CSMD1: variants seen among roughly 807,000 people sequenced by gnomAD.
CSMD1 encodes CUB and sushi domain-containing protein 1.
Under a neutral mutation model 417.5 loss-of-function variants are expected in CSMD1, and 213 were observed. That is an observed-to-expected ratio of 0.51 (90% confidence interval 0.46 to 0.57). The LOEUF (loss-of-function observed/expected upper bound fraction) is 0.57, where lower values mean the gene tolerates loss of function less well. CSMD1 is among the 20% of genes least tolerant of loss of function. The probability of loss-of-function intolerance (pLI) is 0.00; values close to 1 mark genes in which losing one functional copy is unlikely to be tolerated. For missense variants in CSMD1, 6,923 were observed against 4,529.7 expected (o/e 1.53, Z -15.17); for synonymous variants, 2,862 against 1,736.8 (o/e 1.65, Z -16.11).
chr8:4,792,982 CAATA>C (rs1313175467), intron 1 of CSMD1, among the ~76,000 whole-genome samples: 10 of 45,988 alleles, frequency 2.2e-4, no homozygotes, highest in Admixed American at 1.5e-3. Context: ...TATGTGTATG[CAATA>C]TATATATATA....
At chr8:3,420,175 A>G (rs1316933989) in intron 12 of CSMD1, among the ~76,000 whole-genome samples, 1 of 152,194 alleles carries the variant, frequency 6.6e-6, no homozygotes, top group Non-Finnish European at 1.5e-5. Flanking sequence ...TTATTTGATA[A>G]AAGTCCTTAA....
chr8:3,199,913 G>C (rs1457346154), intron 32 of CSMD1, 104 bp from the exon 33 acceptor site: 3 of 656,364 alleles, frequency 4.6e-6, no homozygotes, highest in Admixed American at 5.8e-5. Context: ...TTTATTTTTT[G>C]AACTTTTAAA....
chr8:4,355,864 G>C (rs1330336720), intron 3 of CSMD1, among the ~76,000 whole-genome samples: 2 of 152,236 alleles, frequency 1.3e-5, no homozygotes, highest in Non-Finnish European at 2.9e-5. Context: ...TGGAGGATGG[G>C]AACCAGGCCT....
At chr8:4,039,852 A>C (rs997842187) in intron 3 of CSMD1, among the ~76,000 whole-genome samples, 1 of 152,216 alleles carries the variant, frequency 6.6e-6, no homozygotes, top group Non-Finnish European at 1.5e-5. Context: ...TCTGCTCCAG[A>C]AAGTGATTTT....
At chr8:4,662,550 G>T (rs962266462) in intron 1 of CSMD1, among the ~76,000 whole-genome samples, 1 of 152,162 alleles carries the variant, frequency 6.6e-6, no homozygotes, top group South Asian at 2.1e-4. Flanking sequence ...TCGTCTCCCT[G>T]GAGAATGCTA....
chr8:4,912,960 T>C (rs1453347876), intron 1 of CSMD1, among the ~76,000 whole-genome samples: 2 of 152,146 alleles, frequency 1.3e-5, no homozygotes, highest in African/African-American at 4.8e-5. Context: ...TAATTTGTTT[T>C]GTATTTTTAG....
At chr8:3,748,948 C>T (rs1490050470) in intron 6 of CSMD1, among the ~76,000 whole-genome samples, 2 of 152,148 alleles carry the variant, frequency 1.3e-5, no homozygotes, top group Non-Finnish European at 2.9e-5. Context: ...CAAACACTTA[C>T]TTTCATGATG....
chr8:3,894,076 C>A (rs1807180331), intron 5 of CSMD1, among the ~76,000 whole-genome samples: 1 of 152,170 alleles, frequency 6.6e-6, no homozygotes, highest in Admixed American at 6.5e-5. Flanking sequence ...AAGCAGCAAG[C>A]CGTTAATTGT....
At chr8:3,546,164 G>C (rs1230867830) in intron 10 of CSMD1, among the ~76,000 whole-genome samples, 1 of 138,606 alleles carries the variant, frequency 7.2e-6, no homozygotes, top group Admixed American at 6.8e-5. Flanking sequence ...TCATGTATTT[G>C]TTTGTCTTCA....
At chr8:4,654,733 A>G (rs1563075991) in intron 1 of CSMD1, among the ~76,000 whole-genome samples, 1 of 152,250 alleles carries the variant, frequency 6.6e-6, no homozygotes, top group East Asian at 1.9e-4. Flanking sequence ...TGCATTCATA[A>G]TTCAGACAGA....
At chr8:4,019,514 G>A (rs976353299) in intron 4 of CSMD1, among the ~76,000 whole-genome samples, 1 of 152,160 alleles carries the variant, frequency 6.6e-6, no homozygotes, top group African/African-American at 2.4e-5. Context: ...TGTGAAGTTT[G>A]GTGGTTACCC....
chr8:3,758,221 C>T (rs1056240793), intron 5 of CSMD1, among the ~76,000 whole-genome samples: 1 of 152,184 alleles, frequency 6.6e-6, no homozygotes, highest in Admixed American at 6.5e-5. Context: ...CCATCATCTT[C>T]CCAGAGTGCT....
intron 3 of CSMD1, among the ~76,000 whole-genome samples, chr8:4,281,361 A>C (rs1398865377): frequency 2.0e-5 from 3 of 152,206 alleles, no homozygotes; most frequent in Admixed American, 6.5e-5. Flanking sequence ...TGACGGCATA[A>C]GGTCTTTGCA....
At position 3,369,380 on chromosome 8, in the gene CSMD1, A is replaced by G. The variant is rs1255919507; in HGVS notation, c.2783-10T>C. 7.7e-7 allele frequency: 1 copy of G among 1,291,616 alleles called. No individual in the cohort carries two copies. The highest frequency in any genetic ancestry group is 1.1e-6 in the Non-Finnish European group (1 of 892,866). 80.0% of individuals were successfully genotyped at this position (1,291,616 alleles called of 1,614,324 possible). A position where few individuals can be genotyped will look rare whatever the true frequency, so the allele number is the denominator to read the frequency against. On this transcript the variant is annotated splice_polypyrimidine_tract_variant and intron_variant, in intron 18 of 69. Coordinates refer to ENST00000635120, the MANE Select transcript of CSMD1 (RefSeq NM_033225.6). ...TAGCCTCCACATAGAGCTTAAAATA[A>G]TAAAGAGAGATGATTACAGCACTAA... is the stretch of plus-strand genomic sequence containing the variant.
chr8:3,976,439 C>A (rs1813441387), intron 5 of CSMD1, among the ~76,000 whole-genome samples: 1 of 152,058 alleles, frequency 6.6e-6, no homozygotes, highest in African/African-American at 2.4e-5. Context: ...AAGCAGTTTC[C>A]TTTTGTTTAT....
Position 2,954,254 on chromosome 8 carries a change from C to T in CSMD1, c.10009G>A (p.Glu3337Lys). 6.7e-7 allele frequency: 1 copy of T among 1,494,158 alleles called. No homozygotes were observed. The highest frequency in any genetic ancestry group is 9.1e-7 in the Non-Finnish European group (1 of 1,101,516). 92.6% of individuals were successfully genotyped at this position (1,494,158 alleles called of 1,614,324 possible). A position where few individuals can be genotyped will look rare whatever the true frequency, so the allele number is the denominator to read the frequency against. The change falls in exon 65 of 70, where the codon GAA becomes AAA. Residue 3337 changes from glutamate (E) to lysine (K), a missense_variant. Transcript: ENST00000635120. ...SPVCKSKGVREVNETVTKTPV... is the reference protein window; with the variant it reads ...SPVCKSKGVRKVNETVTKTPV... ...GTTTTAGTAACTGTTTCATTAACTT[C>T]TCTCACTCCTTTACCTACAAGTAAA... is the stretch of plus-strand genomic sequence containing the variant.
At chr8:4,818,241 C>T (rs1436441181) in intron 1 of CSMD1, among the ~76,000 whole-genome samples, 1 of 152,112 alleles carries the variant, frequency 6.6e-6, no homozygotes, top group East Asian at 1.9e-4. Flanking sequence ...ATAGAAAAAT[C>T]ATTCTTTGTA....
At chr8:3,357,882 G>C (rs901963683) in intron 21 of CSMD1, among the ~76,000 whole-genome samples, 1 of 152,080 alleles carries the variant, frequency 6.6e-6, no homozygotes, top group South Asian at 2.1e-4. Context: ...AAAATATATA[G>C]ATACATGTTT....
At chr8:3,294,413 C>T (rs920359064) in intron 25 of CSMD1, among the ~76,000 whole-genome samples, 1 of 152,202 alleles carries the variant, frequency 6.6e-6, no homozygotes, top group Non-Finnish European at 1.5e-5. Flanking sequence ...TGTGCCCTGC[C>T]TGCAGAGGTG....
Sources: gnomAD v4.1 joint callset for allele counts (sites outside exome capture counted in the v4.1 genomes callset) on GRCh38, gnomAD v4.1.1 for gene constraint, MANE v1.5 for transcripts, NCBI Gene and HGNC (gene_info 2026-07-23, HGNC 2026-07-21) for gene names.